SMG6: variants seen among roughly 807,000 people sequenced by gnomAD.
SMG6 encodes SMG6 nonsense mediated mRNA decay factor.
In SMG6, 66 loss-of-function variants were observed where a neutral mutation model predicts 142.2. That is an observed-to-expected ratio of 0.46 (90% CI 0.38 to 0.57). The LOEUF is 0.57. SMG6 is among the 20% of genes least tolerant of loss of function. SMG6 has a pLI of 0.00. For synonymous variants in SMG6, 779 were observed against 702.4 expected, an observed-to-expected ratio of 1.11 and a Z score of -1.72; for missense variants, 1,793 against 1,832.0, an observed-to-expected ratio of 0.98 and a Z score of 0.39.
chr17:2,279,822 C>T (rs2074744842), intron 8 of SMG6, among the ~76,000 whole-genome samples: 1 of 152,170 alleles, frequency 6.6e-6, no homozygotes, highest in South Asian at 2.1e-4. Flanking sequence ...CTGAAGCCTC[C>T]ATGCCTCATC....
intron 13 of SMG6, among the ~76,000 whole-genome samples, chr17:2,112,104 T>C (rs910503942): frequency 1.3e-5 from 2 of 152,016 alleles, no homozygotes; most frequent in African/African-American, 2.4e-5. Context: ...TCCGTACTGG[T>C]AGGTATAGTC....
intron 16 of SMG6, among the ~76,000 whole-genome samples, chr17:2,066,358 G>A (rs1249921380): frequency 7.4e-6 from 1 of 135,856 alleles, no homozygotes; most frequent in African/African-American, 2.9e-5. Flanking sequence ...GTGTGTACAT[G>A]TGTGTATATG....
intron 10 of SMG6, among the ~76,000 whole-genome samples, chr17:2,192,765 G>A (rs1213070925): frequency 2.6e-5 from 4 of 152,192 alleles, no homozygotes; most frequent in African/African-American, 7.2e-5. Flanking sequence ...AGTGGGCAGT[G>A]AGAGTATCTT....
intron 13 of SMG6, among the ~76,000 whole-genome samples, chr17:2,103,391 A>G (rs2069065293): frequency 6.6e-6 from 1 of 152,198 alleles, no homozygotes; most frequent in Non-Finnish European, 1.5e-5. Context: ...GGTTACTCTC[A>G]TATGATAAGC....
intron 6 of SMG6, among the ~76,000 whole-genome samples, chr17:2,287,161 C>T (rs187531216): frequency 2.4e-4 from 36 of 152,120 alleles, no homozygotes; most frequent in African/African-American, 8.4e-4. Flanking sequence ...CCTCGTGATC[C>T]GCCCGCCTCG....
At chr17:2,119,766 A>G (rs2069626569) in intron 13 of SMG6, among the ~76,000 whole-genome samples, 1 of 152,066 alleles carries the variant, frequency 6.6e-6, no homozygotes, top group Admixed American at 6.6e-5. Context: ...GGTTCATGCC[A>G]TTCTCCTGCC....
chr17:2,250,763 G>A (rs951545557), intron 8 of SMG6, among the ~76,000 whole-genome samples: 3 of 152,056 alleles, frequency 2.0e-5, no homozygotes, highest in Non-Finnish European at 2.9e-5. Context: ...CAACATAGGT[G>A]GAGACCAAAT....
intron 10 of SMG6, among the ~76,000 whole-genome samples, chr17:2,217,211 T>A (rs1164373902): frequency 6.6e-6 from 1 of 152,156 alleles, no homozygotes; most frequent in Non-Finnish European, 1.5e-5. Flanking sequence ...TTTATCATTA[T>A]AATTTTTAAA....
intron 13 of SMG6, among the ~76,000 whole-genome samples, chr17:2,100,962 T>C (rs1028797031): frequency 1.2e-4 from 18 of 152,190 alleles, no homozygotes; most frequent in African/African-American, 4.3e-4. Flanking sequence ...AGAATGTGTG[T>C]AAGTGTTCCA....
chr17:2,061,192 A>C lies in SMG6; in HGVS notation c.*300T>G. ...AGCCTTGGAATGAGACGGGGGAGGG[A>C]GAAAGGCTGAGAGCATGGGCGGCCT... On this transcript the variant is annotated 3_prime_UTR_variant, in exon 19 of 19. Transcript: ENST00000263073. The C allele has an allele frequency of 3.3e-6, 1 of 305,352 alleles. No homozygotes were observed. The highest frequency in any genetic ancestry group is 6.3e-6 in the Non-Finnish European group (1 of 157,666). 18.9% of individuals were successfully genotyped at this position (305,352 alleles called of 1,614,324 possible).
chr17:2,185,408 T>TG (rs1222620244), intron 12 of SMG6, among the ~76,000 whole-genome samples: 1 of 151,702 alleles, frequency 6.6e-6, no homozygotes, highest in Non-Finnish European at 1.5e-5. Flanking sequence ...AGTAACCATA[T>TG]GGGGTTCCAC....
At chr17:2,225,252 G>C (rs1477628610) in intron 10 of SMG6, among the ~76,000 whole-genome samples, 1 of 151,292 alleles carries the variant, frequency 6.6e-6, no homozygotes, top group Non-Finnish European at 1.5e-5. Flanking sequence ...CTGAGGTGGG[G>C]AGATCACTTG....
intron 10 of SMG6, among the ~76,000 whole-genome samples, chr17:2,226,897 C>T (rs1037259850): frequency 2.6e-5 from 4 of 152,082 alleles, no homozygotes; most frequent in Non-Finnish European, 5.9e-5. Flanking sequence ...GAGTGAGACT[C>T]CACCTCAAAA....
intron 3 of SMG6, among the ~76,000 whole-genome samples, chr17:2,297,638 C>T (rs183894158): frequency 1.3e-5 from 2 of 152,216 alleles, no homozygotes; most frequent in African/African-American, 4.8e-5. Context: ...CATTCTCTCT[C>T]TTTTAGGCCA....
chr17:2,202,917 G>T (rs763384977), intron 10 of SMG6, among the ~76,000 whole-genome samples: 22 of 152,256 alleles, frequency 1.4e-4, no homozygotes, highest in Non-Finnish European at 2.9e-4. Context: ...GCTGCCTTCT[G>T]CAGGTGAGAC....
At chr17:2,288,269 G>A (rs925840857) in intron 6 of SMG6, among the ~76,000 whole-genome samples, 11 of 151,126 alleles carry the variant, frequency 7.3e-5, no homozygotes, top group Non-Finnish European at 1.5e-4. Flanking sequence ...AGCCAAGATC[G>A]TGCCACTGCA....
In SMG6 at chr17:2,188,498, ACTC is replaced by A. The variant is rs1420646688; in HGVS notation, c.2884_2886del (p.Glu962del). The stretch of plus-strand genomic sequence containing the variant: ...GCTTGTTCCTGGATCACAGAGCGGC[ACTC>A]CTCCGAGAAGCAGTCTGCGGACAGG... On this transcript the variant is annotated inframe_deletion, in exon 11 of 19. Transcript: ENST00000263073. 6.2e-7 allele frequency: 1 copy of A among 1,613,776 alleles called. No homozygotes were observed. Among genetic ancestry groups the A allele is most frequent in the Admixed American group, 1.7e-5 (1 of 59,960 alleles).
intron 13 of SMG6, among the ~76,000 whole-genome samples, chr17:2,133,254 A>C (rs908162536): frequency 1.3e-5 from 2 of 152,080 alleles, no homozygotes; most frequent in Non-Finnish European, 1.5e-5. Context: ...GGGGGGAAAA[A>C]AAAGTTTAAA....
intron 13 of SMG6, among the ~76,000 whole-genome samples, chr17:2,168,758 T>C (rs975555011): frequency 2.6e-5 from 4 of 151,856 alleles, no homozygotes; most frequent in African/African-American, 9.7e-5. Flanking sequence ...GTTGTTTTGT[T>C]TTGTTTTTGA....
Sources: allele counts gnomAD v4.1 joint callset (sites outside exome capture counted in the v4.1 genomes callset), GRCh38; gene constraint gnomAD v4.1.1; transcripts MANE v1.5; gene names NCBI Gene and HGNC (gene_info 2026-07-23, HGNC 2026-07-21).